The following CANX variants were observed in gnomAD, a reference collection of about 807,000 sequenced individuals.
CANX encodes calnexin, also known as epididymis secretory sperm binding protein.
CANX carries 14 observed loss-of-function variants against 75.7 expected under a neutral mutation model. The observed-to-expected ratio is 0.19, with a 90% CI of 0.12 to 0.29. CANX has a LOEUF of 0.29. Ranked by LOEUF, CANX falls within the 10% of genes least tolerant of loss-of-function variation. CANX has a pLI of 1.00. For missense variants in CANX, 567 were observed against 713.2 expected, an observed-to-expected ratio of 0.79 and a Z score of 2.34; for synonymous variants, 227 against 236.9, an observed-to-expected ratio of 0.96 and a Z score of 0.38.
In CANX at chr5:179,678,666, C is replaced by G. The variant is rs1266783368; in HGVS notation, c.-115C>G. 3.9e-6 allele frequency: 6 copies of G among 1,535,398 alleles called. No homozygotes were observed. In the Admixed American group the frequency reaches 1.2e-4, roughly 30 times the overall value. ...CGCTTGCGCATCTTCCTCTGCCCGG[C>G]GCGCGCCGCAGCCGTCGGGATCACC... is the stretch of plus-strand genomic sequence containing the variant. On this transcript the variant is annotated 5_prime_UTR_variant, in exon 1 of 15. Transcript: ENST00000681674.
At chr5:179,705,557 TAGTA>T (rs1304428412) in intron 1 of CANX, 118 bp from the exon 2 acceptor site, 5 of 719,120 alleles carry the variant, frequency 7.0e-6, no homozygotes, top group Non-Finnish European at 9.4e-6. Flanking sequence ...TGAAATGAAA[TAGTA>T]AGTTCTTTTT....
At chr5:179,706,518 A>T (rs1373407170) in intron 3 of CANX, among the ~76,000 whole-genome samples, 187 bp downstream of exon 3, 1 of 152,128 alleles carries the variant, frequency 6.6e-6, no homozygotes, top group East Asian at 1.9e-4. Flanking sequence ...ATACCGGCTC[A>T]TTGCCACCTC....
chr5:179,709,303 A>G (rs1777364226), intron 6 of CANX, among the ~76,000 whole-genome samples: 1 of 152,088 alleles, frequency 6.6e-6, no homozygotes, highest in Non-Finnish European at 1.5e-5. Context: ...AGTCCCAGCC[A>G]CTTGGGAGGC....
chr5:179,719,680 C>T lies in CANX; in HGVS notation c.924C>T (p.Ala308=), dbSNP rs756776428. 12 of 1,605,924 alleles carry T rather than the reference C, an allele frequency of 7.5e-6. No individual in the cohort carries two copies. Among genetic ancestry groups the T allele is most frequent in the Admixed American group, 6.7e-5 (4 of 59,770 alleles). Residue 308 remains alanine, a synonymous_variant, in exon 9 of 15, where the codon GCC becomes GCT. Coordinates refer to ENST00000247461, the MANE Select transcript of CANX (RefSeq NM_001746.4). ...TTTTGTATTTAAGGGATGAAGATGC[C>T]CCTGCTAAGATTCCAGATGAAGAGG... The part of the protein sequence containing the change: ...AVKPDDWDED[A]PAKIPDEEAT...
At chr5:179,724,142 T>C (rs1381524720) in intron 12 of CANX, among the ~76,000 whole-genome samples, 3 of 152,244 alleles carry the variant, frequency 2.0e-5, no homozygotes, top group Non-Finnish European at 4.4e-5. Context: ...ATTCAGTCTT[T>C]GATTCCTCAT....
chr5:179,699,489 T>TA (rs1776586811), intron 1 of CANX: 1 of 152,182 alleles, frequency 6.6e-6, no homozygotes, highest in Admixed American at 6.5e-5. Context: ...GCCTACTAGG[T>TA]ACCCCTAGTA....
At chr5:179,713,361 T>C (rs1191391478) in intron 7 of CANX, among the ~76,000 whole-genome samples, 1 of 152,182 alleles carries the variant, frequency 6.6e-6, no homozygotes, top group Non-Finnish European at 1.5e-5. Context: ...CGTGAGCCAC[T>C]GAGCCCAGCT....
At chr5:179,703,433 G>GTC (rs959716244) in intron 1 of CANX, among the ~76,000 whole-genome samples, 19 of 151,462 alleles carry the variant, frequency 1.3e-4, no homozygotes, top group African/African-American at 3.4e-4. Context: ...TCCCTGGCTG[G>GTC]TCTCCTGAGC....
chr5:179,683,516 C>T (rs548335493), intron 1 of CANX, among the ~76,000 whole-genome samples: 10 of 151,748 alleles, frequency 6.6e-5, no homozygotes, highest in Non-Finnish European at 1.3e-4. Context: ...GATAATGTAT[C>T]CATCTGGAGG....
chr5:179,723,086 T>C (rs1778417106), intron 11 of CANX, 67 bp downstream of exon 11: 1 of 1,394,002 alleles, frequency 7.2e-7, no homozygotes, highest in Admixed American at 1.9e-5. Context: ...TGAAAGTCTG[T>C]GTTAAGGTTT....
At chr5:179,701,344 G>A (rs7717476) in intron 1 of CANX, among the ~76,000 whole-genome samples, 1 of 152,012 alleles carries the variant, frequency 6.6e-6, no homozygotes, top group Admixed American at 6.6e-5. Context: ...CCTGTAGTTC[G>A]AGCACTTTGG....
At chr5:179,680,711 A>G (rs1776041104) in intron 1 of CANX, among the ~76,000 whole-genome samples, 4 of 152,014 alleles carry the variant, frequency 2.6e-5, no homozygotes, top group African/African-American at 9.7e-5. Context: ...TGCTGATTCT[A>G]TTATGTGAAA....
chr5:179,712,495 C>T (rs1209637084), intron 7 of CANX, among the ~76,000 whole-genome samples: 2 of 151,834 alleles, frequency 1.3e-5, no homozygotes, highest in South Asian at 2.1e-4. Flanking sequence ...CTTGGCTCAC[C>T]ACAACCTCTG....
Position 179,730,159 on chromosome 5 carries a change from C to G in CANX, c.*1515C>G, listed in dbSNP as rs1301823307. 1 of 152,508 alleles carries G rather than the reference C, an allele frequency of 6.6e-6. No individual in the cohort carries two copies. The highest frequency in any genetic ancestry group is 2.4e-5 in the African/African-American group (1 of 41,400). The allele number at this position is 152,508 out of a possible 1,614,324, so 9.4% of individuals were successfully genotyped here. On this transcript the variant is annotated 3_prime_UTR_variant, in exon 15 of 15. Transcript: ENST00000247461. The stretch of plus-strand genomic sequence containing the variant: ...TTTAGCTTCAGTTGTTCTTTAGAGG[C>G]TTTCAAATGTACCGATGATACTGTT...
rs71001039 is a variant in CANX at position 179,684,926 on chromosome 5, ATTTTTTTT to A, written c.-4+6172_-4+6179del. ...TGCCACCACACCTGGCTAATTTTGT[ATTTTTTTT>A]TTTTTTTTTTTTTTTTTTTTTTACT... On this transcript the variant is annotated intron_variant, in intron 1 of 14. Coordinates refer to the CANX transcript ENST00000681674. Among the ~76,000 whole-genome samples, 9 of 49,138 alleles carry A rather than the reference ATTTTTTTT, an allele frequency of 1.8e-4. No individual in the cohort carries two copies. The East Asian group carries it at 2.5e-3, about 14-fold the overall frequency. The allele number at this position is 49,138 out of a possible 152,430, so 32.2% of individuals were successfully genotyped here. A position where few individuals can be genotyped will look rare whatever the true frequency, so the allele number is the denominator to read the frequency against.
intron 1 of CANX, among the ~76,000 whole-genome samples, chr5:179,689,205 C>T (rs1427791165): frequency 6.6e-6 from 1 of 152,024 alleles, no homozygotes; most frequent in Non-Finnish European, 1.5e-5. Flanking sequence ...AGAGATCGTG[C>T]CACAGCAGTC....
rs949446019 is a variant in CANX, at chr5:179,728,957, C to T, written c.*313C>T. The T allele has an allele frequency of 2.6e-6, 1 of 378,956 alleles. No homozygotes were observed. Among genetic ancestry groups the T allele is most frequent in the Non-Finnish European group, 5.0e-6 (1 of 201,980 alleles). The allele number at this position is 378,956 out of a possible 1,614,324, so 23.5% of individuals were successfully genotyped here. On this transcript the variant is annotated 3_prime_UTR_variant, in exon 15 of 15. Transcript: ENST00000247461. ...TTAAAATAGAATGATAGAACTTTGC[C>T]AGTCTTTAAGATCTTGGCTTAATTT...
At chr5:179,684,945 T>TTTTTTTTTTTTTTTTTTG (rs1776162783) in intron 1 of CANX, among the ~76,000 whole-genome samples, 1 of 139,872 alleles carries the variant, frequency 7.1e-6, no homozygotes, top group African/African-American at 2.7e-5. Flanking sequence ...TTTTTTTTTT[T>TTTTTTTTTTTTTTTTTTG]TTTTTTTTTT....
Position 179,713,105 on chromosome 5 carries a change from G to C in CANX, c.722-3000G>C, listed in dbSNP as rs747134533. ...AACCTTTTTTTCTTTTTTTTGTGAC[G>C]GAGTCTTGCTTTGTCATCCAGGCTG... is the stretch of plus-strand genomic sequence containing the variant. On this transcript the variant is annotated intron_variant, in intron 7 of 14. Transcript: ENST00000247461. Among the ~76,000 whole-genome samples the C allele has an allele frequency of 2.0e-5, 3 of 150,664 alleles. No individual in the cohort carries two copies. The South Asian group carries it at 6.3e-4, about 32-fold the overall frequency.
Sources: allele counts gnomAD v4.1 joint callset (sites outside exome capture counted in the v4.1 genomes callset), GRCh38; gene constraint gnomAD v4.1.1; transcripts MANE v1.5; gene names NCBI Gene and HGNC (gene_info 2026-07-23, HGNC 2026-07-21).